The following NFYB variants were observed in gnomAD, a reference collection of about 807,000 sequenced individuals.
NFYB encodes nuclear transcription factor Y subunit beta.
NFYB carries 13 observed loss-of-function variants against 28.0 expected under a neutral mutation model. The ratio of observed to expected loss-of-function variants is 0.46; its 90% confidence interval spans 0.30 to 0.74. The LOEUF is 0.74. NFYB is among the 30% of genes least tolerant of loss of function. The probability of loss-of-function intolerance (pLI) is 0.07; values close to 1 mark genes in which losing one functional copy is unlikely to be tolerated. For synonymous variants in NFYB, 74 were observed against 75.0 expected, an observed-to-expected ratio of 0.99 and a Z score of 0.07; for missense variants, 142 against 247.6, an observed-to-expected ratio of 0.57 and a Z score of 2.86.
At chr12:104,122,735 G>A (rs770484692) in intron 5 of NFYB, among the ~76,000 whole-genome samples, 11 of 152,056 alleles carry the variant, frequency 7.2e-5, no homozygotes, top group Non-Finnish European at 1.2e-4. Context: ...CACAAAACAG[G>A]TCCCTGGTGC....
intron 2 of NFYB, among the ~76,000 whole-genome samples, chr12:104,129,629 A>T (rs2030848940): frequency 2.6e-5 from 4 of 152,166 alleles, no homozygotes; most frequent in Non-Finnish European, 5.9e-5. Flanking sequence ...CTGTAATCCC[A>T]GAACTTTGGG....
At chr12:104,131,828 T>C in intron 2 of NFYB, 1 of 455,636 alleles carries the variant, frequency 2.2e-6, no homozygotes, top group East Asian at 7.0e-5. Context: ...GCAGGACAAA[T>C]GTTACATAAC....
At chr12:104,132,788 G>A (rs949118831) in intron 2 of NFYB, among the ~76,000 whole-genome samples, 4 of 152,204 alleles carry the variant, frequency 2.6e-5, no homozygotes, top group African/African-American at 9.7e-5. Context: ...AGTATGTCCA[G>A]TGTGACACTT....
intron 2 of NFYB, chr12:104,131,714 C>T: frequency 2.2e-6 from 1 of 455,278 alleles, no homozygotes; most frequent in Non-Finnish European, 4.4e-6. Context: ...GTCAGTAAGC[C>T]AGCCAACAAA....
chr12:104,135,387 T>A, intron 2 of NFYB, 61 bp downstream of exon 2: 2 of 1,475,938 alleles, frequency 1.4e-6, no homozygotes, highest in Non-Finnish European at 1.8e-6. Flanking sequence ...GGTTACAATT[T>A]TATTTCCAGC....
chr12:104,122,589 T>A (rs1293779157), intron 5 of NFYB, among the ~76,000 whole-genome samples: 1 of 152,168 alleles, frequency 6.6e-6, no homozygotes, highest in Admixed American at 6.5e-5. Context: ...GAACTGCGCA[T>A]GCAAGGGATC....
chr12:104,121,731 G>A (rs1348296563), intron 5 of NFYB, among the ~76,000 whole-genome samples: 1 of 152,164 alleles, frequency 6.6e-6, no homozygotes, highest in East Asian at 1.9e-4. Flanking sequence ...GTAGCAAGCT[G>A]AGAGTTAAAA....
In NFYB at chr12:104,123,376, G is replaced by A; in HGVS notation, c.279C>T (p.Phe93=). 8 of 1,614,060 alleles carry A rather than the reference G, an allele frequency of 5.0e-6. No individual in the cohort carries two copies. Among genetic ancestry groups the A allele is most frequent in the East Asian group, 2.2e-5 (1 of 44,846 alleles). ...TTGCTTCAGATGTTATAAAACTGAT[G>A]AACTCACTTACACATTCTTGAACAC... ...KECVQECVSE[F]ISFITSEASE... Residue 93 remains phenylalanine, a synonymous_variant, in exon 5 of 8, where the codon TTC becomes TTT. Coordinates refer to ENST00000240055, the MANE Select transcript of NFYB (RefSeq NM_006166.4).
At chr12:104,130,233 T>C (rs1368652600) in intron 2 of NFYB, among the ~76,000 whole-genome samples, 1 of 152,230 alleles carries the variant, frequency 6.6e-6, no homozygotes, top group Admixed American at 6.5e-5. Flanking sequence ...ATTTGACCCT[T>C]CATTAAGGCC....
chr12:104,119,801 TAAAG>T, intron 7 of NFYB, 32 bp from the exon 8 acceptor site: 4 of 1,478,608 alleles, frequency 2.7e-6, no homozygotes, highest in South Asian at 2.3e-5. Flanking sequence ...TGAGCAGAAT[TAAAG>T]AAAAGGAGAT....
chr12:104,126,327 T>G, intron 3 of NFYB, 83 bp from the exon 4 acceptor site: 1 of 1,059,090 alleles, frequency 9.4e-7, no homozygotes, highest in East Asian at 3.0e-5. Flanking sequence ...TGATCCAGAA[T>G]AAAATCATTC....
chr12:104,137,028 C>T (rs7979713), intron 1 of NFYB, among the ~76,000 whole-genome samples: 41 of 152,206 alleles, frequency 2.7e-4, no homozygotes, highest in Admixed American at 9.2e-4. Context: ...TACAAATAAA[C>T]CCCCCACTGA....
At chr12:104,136,378 C>A (rs1466623733) in intron 1 of NFYB, among the ~76,000 whole-genome samples, 4 of 152,138 alleles carry the variant, frequency 2.6e-5, no homozygotes, top group African/African-American at 9.7e-5. Context: ...AGCATGAAAT[C>A]TAGCAAATAG....
chr12:104,135,496 C>T lies in NFYB; in HGVS notation c.-43G>A, dbSNP rs1277175890. 14 of 1,550,478 alleles carry T rather than the reference C, an allele frequency of 9.0e-6. No individual in the cohort carries two copies. Among genetic ancestry groups the T allele is most frequent in the South Asian group, 1.2e-5 (1 of 80,784 alleles). ...GTGTTGTCAGTGGTGCTGAAGAACA[C>T]CTATCTAAAAAGGTGTCTAATCTTT... On this transcript the variant is annotated 5_prime_UTR_variant, in exon 2 of 8. In the 5' UTR this introduces an upstream ATG that the reference lacks. Coordinates refer to ENST00000240055, the MANE Select transcript of NFYB (RefSeq NM_006166.4).
intron 4 of NFYB, 127 bp from the exon 5 acceptor site, chr12:104,123,550 G>T: frequency 1.4e-6 from 1 of 692,202 alleles, no homozygotes; most frequent in Non-Finnish European, 2.4e-6. Context: ...TTAAATATAT[G>T]TTATAACATT....
At chr12:104,124,799 C>G (rs1162362284) in intron 4 of NFYB, among the ~76,000 whole-genome samples, 3 of 152,204 alleles carry the variant, frequency 2.0e-5, no homozygotes, top group Non-Finnish European at 4.4e-5. Context: ...AGCGGCATAG[C>G]TGGTCATACA....
rs2030391276 is a variant in NFYB at position 104,119,690 on chromosome 12, T to C, written c.*47A>G. ...TTCTGATGTCTCTGTTCCAGAATCATACAGACTCTCATTTCTCTACACTCC... is the reference window on the plus strand; with the variant it reads ...TTCTGATGTCTCTGTTCCAGAATCACACAGACTCTCATTTCTCTACACTCC... On this transcript the variant is annotated 3_prime_UTR_variant, in exon 8 of 8. Transcript: ENST00000240055. 3 of 1,433,636 alleles carry C rather than the reference T, an allele frequency of 2.1e-6. No individual in the cohort carries two copies. The African/African-American group carries it at 4.2e-5, about 20-fold the overall frequency. The allele number at this position is 1,433,636 out of a possible 1,614,324, so 88.8% of individuals were successfully genotyped here.
intron 2 of NFYB, among the ~76,000 whole-genome samples, chr12:104,134,186 T>C (rs1431335963): frequency 1.3e-5 from 2 of 152,218 alleles, no homozygotes; most frequent in Non-Finnish European, 2.9e-5. Context: ...TCCCTTATTT[T>C]CTTAATGAAC....
chr12:104,129,124 T>C (rs1349413758), intron 2 of NFYB, among the ~76,000 whole-genome samples: 2 of 152,190 alleles, frequency 1.3e-5, no homozygotes, highest in African/African-American at 4.8e-5. Flanking sequence ...TCTTCAAATA[T>C]AGTACCACAG....
Sources: allele counts gnomAD v4.1 joint callset (sites outside exome capture counted in the v4.1 genomes callset), GRCh38; gene constraint gnomAD v4.1.1; transcripts MANE v1.5; gene names NCBI Gene and HGNC (gene_info 2026-07-23, HGNC 2026-07-21).